Variants in PON2 observed in about 807,000 individuals in gnomAD.
The protein encoded by PON2 is paraoxonase 2, also known as serum paraoxonase/arylesterase 2.
PON2 carries 27 observed loss-of-function variants against 36.6 expected under a neutral mutation model. That is an observed-to-expected ratio of 0.74 (90% confidence interval 0.54 to 1.02). PON2 has a LOEUF of 1.02. Among genes scored for constraint, PON2 ranks in the 50% least tolerant of loss-of-function variants. The pLI is 0.00. For synonymous variants in PON2, 149 were observed against 156.3 expected, an observed-to-expected ratio of 0.95 and a Z score of 0.35; for missense variants, 363 against 421.1, an observed-to-expected ratio of 0.86 and a Z score of 1.21.
At chr7:95,413,386 T>G (rs1468733703) in intron 3 of PON2, among the ~76,000 whole-genome samples, 1 of 152,250 alleles carries the variant, frequency 6.6e-6, no homozygotes, top group African/African-American at 2.4e-5. Context: ...AGTAGATTAC[T>G]GATGGTTGTG....
At chr7:95,426,498 C>A (rs1324462527) in intron 1 of PON2, among the ~76,000 whole-genome samples, 1 of 152,192 alleles carries the variant, frequency 6.6e-6, no homozygotes, top group South Asian at 2.1e-4. Context: ...TCAGACAAAA[C>A]AATTTTCCCA....
rs569663414 is a variant in PON2, at chr7:95,431,729, C to T, written c.74+3149G>A. Among the ~76,000 whole-genome samples, 6 of 152,088 alleles carry T rather than the reference C, an allele frequency of 3.9e-5. No homozygotes were observed. The South Asian group carries it at 1.0e-3, about 26-fold the overall frequency. On this transcript the variant is annotated intron_variant, in intron 1 of 8. Coordinates refer to ENST00000222572, the MANE Select transcript of PON2 (RefSeq NM_000305.3). ...GCCACTGTGTCCGGCCAAACATGCTCCTTTTTAAAACAGACTCAAAGGGTC... is the reference window on the plus strand; with the variant it reads ...GCCACTGTGTCCGGCCAAACATGCTTCTTTTTAAAACAGACTCAAAGGGTC...
intron 2 of PON2, chr7:95,424,103 A>G (rs17166879): frequency 0.24 from 53,642 of 222,784 alleles, 7,138 homozygotes; most frequent in South Asian, 0.33. Context: ...CGTGTTAGCC[A>G]TAAGATCAGA....
Position 95,411,777 on chromosome 7 carries a change from C to A in PON2, c.370G>T (p.Asp124Tyr), listed in dbSNP as rs767722132. ...HGISTFIDND[D>Y]TVYLFVVNHP... ...TTTACAACAAAGAGATAAACTGTGT[C>A]ATCTAAAGAATTGAAAGAACAGAGT... Residue 124 changes from aspartate (D) to tyrosine (Y), a missense_variant and splice_region_variant, in exon 5 of 9, where the codon GAC becomes TAC. Coordinates refer to ENST00000222572, the MANE Select transcript of PON2 (RefSeq NM_000305.3). 3.1e-6 allele frequency: 5 copies of A among 1,613,348 alleles called. No individual in the cohort carries two copies. The highest frequency in any genetic ancestry group is 1.1e-5 in the South Asian group (1 of 91,020).
At chr7:95,424,797 T>A (rs58163927) in intron 1 of PON2, among the ~76,000 whole-genome samples, 2 of 148,710 alleles carry the variant, frequency 1.3e-5, no homozygotes, top group Admixed American at 1.3e-4. Flanking sequence ...CAAAGTTCTA[T>A]ATACTGATGT....
chr7:95,414,654 AAATC>A (rs1050132650), intron 3 of PON2, among the ~76,000 whole-genome samples: 1 of 152,194 alleles, frequency 6.6e-6, no homozygotes, highest in African/African-American at 2.4e-5. Context: ...ACAAATAAAA[AAATC>A]AATGCAACTG....
intron 1 of PON2, among the ~76,000 whole-genome samples, chr7:95,426,356 A>G (rs1448514559): frequency 2.6e-5 from 4 of 152,248 alleles, no homozygotes; most frequent in African/African-American, 9.6e-5. Flanking sequence ...TGGGTGGTCA[A>G]AGGAAATAAA....
chr7:95,408,940 A>G (rs1809782730), intron 6 of PON2, among the ~76,000 whole-genome samples: 1 of 152,176 alleles, frequency 6.6e-6, no homozygotes, highest in African/African-American at 2.4e-5. Context: ...TCATAGAACC[A>G]TTTAGCCAGT....
chr7:95,432,802 C>T (rs772158132), intron 1 of PON2, among the ~76,000 whole-genome samples: 12 of 152,204 alleles, frequency 7.9e-5, no homozygotes, highest in Non-Finnish European at 1.8e-4. Context: ...AAATCTCACT[C>T]CCATCTCAGC....
At chr7:95,411,855 A>G in intron 4 of PON2, 76 bp from the exon 5 acceptor site, 1 of 1,489,756 alleles carries the variant, frequency 6.7e-7, no homozygotes, top group African/African-American at 1.4e-5. Flanking sequence ...ACATTTAAAT[A>G]CCACAGGCAA....
At position 95,406,252 on chromosome 7, in the gene PON2, C is replaced by T. The variant is rs773405966; in HGVS notation, c.778-5G>A. On this transcript the variant is annotated splice_region_variant and splice_polypyrimidine_tract_variant and intron_variant, in intron 7 of 8. Transcript: ENST00000222572. ...CAGTGTATCCAGCTCAAGTACCTTC[C>T]AAATGAGAAATTGTCAAAATCTAAA... 6.2e-7 allele frequency: 1 copy of T among 1,609,258 alleles called. No homozygotes were observed. Among genetic ancestry groups the T allele is most frequent in the Admixed American group, 1.7e-5 (1 of 60,002 alleles).
rs1789270615 is a variant in PON2 at position 95,424,578 on chromosome 7, G to A, written c.82C>T (p.Leu28Phe). Reference sequence around the variant, plus strand: ...GATTCTACTTCTCTGGAGGCTTTAAGTCGATTTCTGTTACAAAGAAAAAAA... The same window carrying A: ...GATTCTACTTCTCTGGAGGCTTTAAATCGATTTCTGTTACAAAGAAAAAAA... ...GERLLALRNRLKASREVESVD... is the reference protein window; with the variant it reads ...GERLLALRNRFKASREVESVD... The change falls in exon 2 of 9, where the codon CTT (leucine) becomes TTT (phenylalanine). Residue 28 changes from leucine (L) to phenylalanine (F), a missense_variant. By Grantham distance (22) the Leu-to-Phe change is conservative. Coordinates refer to ENST00000222572, the MANE Select transcript of PON2 (RefSeq NM_000305.3). 6.2e-7 allele frequency: 1 copy of A among 1,611,842 alleles called. No homozygotes were observed. The highest frequency in any genetic ancestry group is 1.1e-5 in the South Asian group (1 of 91,014).
chr7:95,424,198 AAC>A (rs1789260639), intron 2 of PON2: 3 of 378,112 alleles, frequency 7.9e-6, no homozygotes, highest in African/African-American at 2.1e-5. Flanking sequence ...AGGCTCACAG[AAC>A]ACAGACTGCA....
chr7:95,413,282 T>C (rs537808330), intron 3 of PON2, among the ~76,000 whole-genome samples: 11 of 152,266 alleles, frequency 7.2e-5, no homozygotes, highest in Admixed American at 3.3e-4. Flanking sequence ...GCCTGGGCAA[T>C]TGAGCCAGTC....
chr7:95,405,177 CTAAGAACTAAAAGGGCCGTTCCT>C lies in PON2; in HGVS notation c.*130_*152del. ...ATTTTCCTTTTTTGTTAAAAGTGCT[CTAAGAACTAAAAGGGCCGTTCCT>C]TACTGGAATAAAATTAACTACACAT... On this transcript the variant is annotated 3_prime_UTR_variant, in exon 9 of 9. Coordinates refer to ENST00000222572, the MANE Select transcript of PON2 (RefSeq NM_000305.3). 1 of 780,610 alleles carries C rather than the reference CTAAGAACTAAAAGGGCCGTTCCT, an allele frequency of 1.3e-6. No individual in the cohort carries two copies. Among genetic ancestry groups the C allele is most frequent in the African/African-American group, 1.8e-5 (1 of 57,110 alleles). The allele number at this position is 780,610 out of a possible 1,614,324, so 48.4% of individuals were successfully genotyped here.
At chr7:95,433,487 T>C (rs1031107555) in intron 1 of PON2, among the ~76,000 whole-genome samples, 3 of 152,158 alleles carry the variant, frequency 2.0e-5, no homozygotes, top group African/African-American at 7.2e-5. Flanking sequence ...ATTGCTCTCC[T>C]CCAATCCCCC....
At position 95,431,913 on chromosome 7, in the gene PON2, TAA is replaced by T. The variant is rs35310147; in HGVS notation, c.74+2963_74+2964del. Reference sequence around the variant, plus strand: ...TGGTATAAGTATTTCATGCTTATACTAAAAAAAAAAAAAAAAATCCATGTGAA... The same window carrying T: ...TGGTATAAGTATTTCATGCTTATACTAAAAAAAAAAAAAAATCCATGTGAA... On this transcript the variant is annotated intron_variant, in intron 1 of 8. Transcript: ENST00000222572. 4.9e-3 allele frequency among the ~76,000 whole-genome samples: 706 copies of T among 143,762 alleles called. 2 individuals carry two copies. The highest frequency in any genetic ancestry group is 0.014 in the Admixed American group (199 of 14,552). The allele number at this position is 143,762 out of a possible 152,430, so 94.3% of individuals were successfully genotyped here.
chr7:95,405,866 CAT>C (rs546599169), intron 8 of PON2, among the ~76,000 whole-genome samples: 39 of 152,300 alleles, frequency 2.6e-4, no homozygotes, highest in Non-Finnish European at 4.6e-4. Context: ...AAGAAGGGCA[CAT>C]GTCTTTATAA....
Position 95,422,525 on chromosome 7 carries a change from T to C in PON2, c.145+1990A>G, listed in dbSNP as rs1585758884. ...GTAACATTATGTACAAACATAAGTTTCCAAAACCTAGTATTAAGTACAAAA... is the reference window on the plus strand; with the variant it reads ...GTAACATTATGTACAAACATAAGTTCCCAAAACCTAGTATTAAGTACAAAA... On this transcript the variant is annotated intron_variant, in intron 2 of 8. Coordinates refer to ENST00000222572, the MANE Select transcript of PON2 (RefSeq NM_000305.3). 6.6e-5 allele frequency among the ~76,000 whole-genome samples: 10 copies of C among 152,200 alleles called. No individual in the cohort carries two copies. In the South Asian group the frequency reaches 2.1e-3, roughly 32 times the overall value.
Sources: gnomAD v4.1 joint callset for allele counts (sites outside exome capture counted in the v4.1 genomes callset) on GRCh38, gnomAD v4.1.1 for gene constraint, MANE v1.5 for transcripts, NCBI Gene and HGNC (gene_info 2026-07-23, HGNC 2026-07-21) for gene names.